Variants in FEM1B observed in about 807,000 individuals in gnomAD.
The protein encoded by FEM1B is protein fem-1 homolog B.
FEM1B carries 10 observed loss-of-function variants against 38.6 expected under a neutral mutation model. That is an observed-to-expected ratio of 0.26 (90% confidence interval 0.16 to 0.44). The LOEUF (loss-of-function observed/expected upper bound fraction) is 0.44, where lower values mean the gene tolerates loss of function less well. Ranked by LOEUF, FEM1B falls within the 20% of genes least tolerant of loss-of-function variation. The pLI, the probability that FEM1B is intolerant of heterozygous loss-of-function variation, is 1.00. For synonymous variants in FEM1B, 288 were observed against 288.0 expected (o/e 1.00, Z 0.00); for missense variants, 471 against 786.7 (o/e 0.60, Z 4.80).
Position 68,290,165 on chromosome 15 carries a change from C to T in FEM1B, c.807C>T (p.Ile269=). 1.2e-6 allele frequency: 2 copies of T among 1,613,930 alleles called. No individual in the cohort carries two copies. Among genetic ancestry groups the T allele is most frequent in the Non-Finnish European group, 1.7e-6 (2 of 1,179,942 alleles). ...SFANDRENYD[I]IKTYHYLYLA... is the part of the protein sequence containing the mutation. ...CAAATGACCGTGAGAACTATGACAT[C>T]ATAAAGACATACCACTATCTATATT... The change falls in exon 2 of 2, where the codon ATC becomes ATT. Residue 269 remains isoleucine, a synonymous_variant. Coordinates refer to ENST00000306917, the MANE Select transcript of FEM1B (RefSeq NM_015322.5). This position sits in a 1 kb window ranked among gnomAD's most constrained non-coding sequence, Gnocchi z 9.7.
At position 68,288,652 on chromosome 15, in the gene FEM1B, C is replaced by A. The variant is rs1456037536; in HGVS notation, c.249-955C>A. 6.6e-6 allele frequency among the ~76,000 whole-genome samples: 1 copy of A among 152,126 alleles called. No individual in the cohort carries two copies. Among genetic ancestry groups the A allele is most frequent in the Non-Finnish European group, 1.5e-5 (1 of 68,018 alleles). ...TAAGTAAGTGATAAGTATGAAGCCA[C>A]AAGTCCAGTCATGTCAGAGAAGATA... On this transcript the variant is annotated intron_variant, in intron 1 of 1. Coordinates refer to ENST00000306917, the MANE Select transcript of FEM1B (RefSeq NM_015322.5). The surrounding 1 kb of genome is among the most constrained non-coding windows in gnomAD (Gnocchi z 4.6).
rs1275890372 is a variant in FEM1B at position 68,278,843 on chromosome 15, A to G, written c.248+178A>G. ...TCTTCCAGGGCTAATAATCCATCCC[A>G]TGTTTTGCTGCCCGTCCTCATCAGC... On this transcript the variant is annotated intron_variant, in intron 1 of 1. Transcript: ENST00000306917. The surrounding 1 kb of genome is among the most constrained non-coding windows in gnomAD (Gnocchi z 5.7). Among the ~76,000 whole-genome samples the G allele has an allele frequency of 1.3e-5, 2 of 151,650 alleles. No homozygotes were observed. The highest frequency in any genetic ancestry group is 2.9e-5 in the Non-Finnish European group (2 of 67,930).
chr15:68,291,157 T>C lies in FEM1B; in HGVS notation c.1799T>C (p.Leu600Pro). 3 of 1,614,190 alleles carry C rather than the reference T, an allele frequency of 1.9e-6. No individual in the cohort carries two copies. Among genetic ancestry groups the C allele is most frequent in the Non-Finnish European group, 2.5e-6 (3 of 1,180,014 alleles). Reference sequence around the variant, plus strand: ...CAAATGAAGATGAGTCTCAAGTGCCTGGCTGCCCGAGCAGTTCGGGCTAAT... The same window carrying C: ...CAAATGAAGATGAGTCTCAAGTGCCCGGCTGCCCGAGCAGTTCGGGCTAAT... ...KTQMKMSLKCLAARAVRANDI... is the reference protein window; with the variant it reads ...KTQMKMSLKCPAARAVRANDI... Residue 600 changes from leucine to proline, a missense_variant, in exon 2 of 2, where the codon CTG becomes CCG. Physicochemically the swap from Leu to Pro is moderately conservative, Grantham distance 98. Around this residue, in one of 3 missense-constraint regions of FEM1B, gnomAD observed 380 missense variants for 599.6 expected, o/e 0.63. Transcript: ENST00000306917. This position sits in a 1 kb window ranked among gnomAD's most constrained non-coding sequence, Gnocchi z 6.9.
intron 1 of FEM1B, among the ~76,000 whole-genome samples, chr15:68,282,591 A>G (rs990276506): frequency 2.6e-5 from 4 of 152,152 alleles, no homozygotes; most frequent in Non-Finnish European, 5.9e-5. Flanking sequence ...GATGGATACT[A>G]TTTGTTTGAA....
rs778031981 is a variant in FEM1B, at chr15:68,278,436, T to C, written c.19T>C (p.Tyr7His). ...GGCGGCCATGGAGGGCCTGGCTGGC[T>C]ATGTATACAAGGCGGCCAGCGAGGG... MEGLAG[Y>H]VYKAASEGKV... The change falls in exon 1 of 2, where the codon TAT (tyrosine) becomes CAT (histidine). Residue 7 changes from tyrosine to histidine, a missense_variant. Transcript: ENST00000306917. This position sits in a 1 kb window ranked among gnomAD's most constrained non-coding sequence, Gnocchi z 5.7. 1 of 1,612,806 alleles carries C rather than the reference T, an allele frequency of 6.2e-7. No individual in the cohort carries two copies. Among genetic ancestry groups the C allele is most frequent in the South Asian group, 1.1e-5 (1 of 91,038 alleles).
rs146906047 is a variant in FEM1B, at chr15:68,278,960, G to A, written c.248+295G>A. Among the ~76,000 whole-genome samples, 407 of 152,254 alleles carry A rather than the reference G, an allele frequency of 2.7e-3. 3 individuals are homozygous for A. Among genetic ancestry groups the A allele is most frequent in the Non-Finnish European group, 4.0e-3 (275 of 68,024 alleles). On this transcript the variant is annotated intron_variant, in intron 1 of 1. Coordinates refer to ENST00000306917, the MANE Select transcript of FEM1B (RefSeq NM_015322.5). This position sits in a 1 kb window ranked among gnomAD's most constrained non-coding sequence, Gnocchi z 5.7. The stretch of plus-strand genomic sequence containing the variant: ...TCTCTACTAGATAGTCTGTGAACAA[G>A]CCATTTGGAGGAGGTGGCTGCCTTT...
Position 68,290,556 on chromosome 15 carries a change from G to A in FEM1B, c.1198G>A (p.Glu400Lys), listed in dbSNP as rs775340231. Residue 400 changes from glutamate to lysine, a missense_variant, in exon 2 of 2, where the codon GAA becomes AAA. By Grantham distance (56) the Glu-to-Lys change is moderately conservative (BLOSUM62 1). Around this residue, in one of 3 missense-constraint regions of FEM1B, gnomAD observed 380 missense variants for 599.6 expected, o/e 0.63. Transcript: ENST00000306917. This position sits in a 1 kb window ranked among gnomAD's most constrained non-coding sequence, Gnocchi z 9.7. ...TTTCTCACAAATGATACATTTGAAT[G>A]AAACTGTGAAGGCCCCAGACATAGA... is the stretch of plus-strand genomic sequence containing the variant. Reference protein sequence around the residue: ...QVFSQMIHLNETVKAPDIECV... With the variant: ...QVFSQMIHLNKTVKAPDIECV... 2 of 1,614,198 alleles carry A rather than the reference G, an allele frequency of 1.2e-6. No individual in the cohort carries two copies. Among genetic ancestry groups the A allele is most frequent in the South Asian group, 1.1e-5 (1 of 91,090 alleles).
chr15:68,287,242 T>C (rs2140244637), intron 1 of FEM1B, among the ~76,000 whole-genome samples: 1 of 152,342 alleles, frequency 6.6e-6, no homozygotes, highest in South Asian at 2.1e-4. Flanking sequence ...TTTTTAAAAA[T>C]AAAAATTTGA....
chr15:68,291,083 T>A lies in FEM1B; in HGVS notation c.1725T>A (p.Thr575=), dbSNP rs765481777. Residue 575 remains threonine, a synonymous_variant, in exon 2 of 2, where the codon ACT becomes ACA. Transcript: ENST00000306917. This position sits in a 1 kb window ranked among gnomAD's most constrained non-coding sequence, Gnocchi z 6.9. ...ACATGACGAATAAACAGAATAAGAC[T>A]CCGCTAGACAAAAGTACAACTGGGG... ...HTDMTNKQNK[T]PLDKSTTGVS... 1.2e-6 allele frequency: 2 copies of A among 1,614,074 alleles called. No homozygotes were observed. The highest frequency in any genetic ancestry group is 1.1e-5 in the South Asian group (1 of 91,074).
rs779936256 is a variant in FEM1B at position 68,291,102 on chromosome 15, A to C, written c.1744A>C (p.Thr582Pro). The change falls in exon 2 of 2, where the codon ACT (threonine) becomes CCT (proline). Residue 582 changes from threonine (T) to proline (P), a missense_variant. This residue lies in a region of FEM1B where 380 missense variants were observed against 599.6 expected (regional missense o/e 0.63). Coordinates refer to ENST00000306917, the MANE Select transcript of FEM1B (RefSeq NM_015322.5). The surrounding 1 kb of genome is among the most constrained non-coding windows in gnomAD (Gnocchi z 6.9). ...QNKTPLDKST[T>P]GVSEILLKTQ... ...TAAGACTCCGCTAGACAAAAGTACA[A>C]CTGGGGTATCTGAAATACTGCTTAA... The C allele has an allele frequency of 4.3e-6, 7 of 1,614,002 alleles. No individual in the cohort carries two copies.
chr15:68,291,338 C>G lies in FEM1B; in HGVS notation c.*96C>G. 1 of 890,204 alleles carries G rather than the reference C, an allele frequency of 1.1e-6. No individual in the cohort carries two copies. Among genetic ancestry groups the G allele is most frequent in the Admixed American group, 2.9e-5 (1 of 34,566 alleles). The allele number at this position is 890,204 out of a possible 1,614,324, so 55.1% of individuals were successfully genotyped here. A position where few individuals can be genotyped will look rare whatever the true frequency, so the allele number is the denominator to read the frequency against. ...TTATGTGTTCATAAATTCTGCTTTT[C>G]TTTCCACTACCCTTCCTCCCATCCC... On this transcript the variant is annotated 3_prime_UTR_variant, in exon 2 of 2. Coordinates refer to ENST00000306917, the MANE Select transcript of FEM1B (RefSeq NM_015322.5). This position sits in a 1 kb window ranked among gnomAD's most constrained non-coding sequence, Gnocchi z 6.9.
In FEM1B at chr15:68,289,378, T is replaced by A. The variant is rs1892822985; in HGVS notation, c.249-229T>A. On this transcript the variant is annotated intron_variant, in intron 1 of 1. Coordinates refer to ENST00000306917, the MANE Select transcript of FEM1B (RefSeq NM_015322.5). The surrounding 1 kb of genome is among the most constrained non-coding windows in gnomAD (Gnocchi z 6.9). The stretch of plus-strand genomic sequence containing the variant: ...ATTTTTCAGGTTTGTTTTTTAGGGT[T>A]ATATACTCTAGTAGTAACAGTAATA... The A allele has an allele frequency of 2.0e-6, 1 of 508,810 alleles. No homozygotes were observed. The highest frequency in any genetic ancestry group is 1.9e-5 in the African/African-American group (1 of 52,268). 31.5% of individuals were successfully genotyped at this position (508,810 alleles called of 1,614,324 possible).
In FEM1B at chr15:68,278,557, C is replaced by G. The variant is rs370707411; in HGVS notation, c.140C>G (p.Ser47Cys). ...GYVSQQGGQR[S>C]TPLIIAARNG... ...GTCAGCCAGCAGGGAGGGCAGCGCTCCACGCCCCTCATCATCGCAGCCCGC... is the reference window on the plus strand; with the variant it reads ...GTCAGCCAGCAGGGAGGGCAGCGCTGCACGCCCCTCATCATCGCAGCCCGC... The change falls in exon 1 of 2, where the codon TCC (serine) becomes TGC (cysteine). Residue 47 changes from serine to cysteine, a missense_variant. Ser to Cys is a moderately radical substitution (Grantham distance 112, BLOSUM62 -1). Around this residue, in one of 3 missense-constraint regions of FEM1B, gnomAD observed 91 missense variants for 169.6 expected, o/e 0.54. Transcript: ENST00000306917. This position sits in a 1 kb window ranked among gnomAD's most constrained non-coding sequence, Gnocchi z 5.7. 6.2e-7 allele frequency: 1 copy of G among 1,614,112 alleles called. No homozygotes were observed. The highest frequency in any genetic ancestry group is 8.5e-7 in the Non-Finnish European group (1 of 1,180,038).
rs74483643 is a variant in FEM1B, at chr15:68,288,888, C to T, written c.249-719C>T. Among the ~76,000 whole-genome samples the T allele has an allele frequency of 0.017, 2,581 of 152,238 alleles. 82 individuals are homozygous for T. The highest frequency in any genetic ancestry group is 0.059 in the African/African-American group (2,461 of 41,516). On this transcript the variant is annotated intron_variant, in intron 1 of 1. Transcript: ENST00000306917. This position sits in a 1 kb window ranked among gnomAD's most constrained non-coding sequence, Gnocchi z 4.6. Reference sequence around the variant, plus strand: ...TTCACAAAGTGAACATATTTGTTTACTAGAGTCCCCTTTGTGCTTTCTCCC... The same window carrying T: ...TTCACAAAGTGAACATATTTGTTTATTAGAGTCCCCTTTGTGCTTTCTCCC...
rs955988532 is a variant in FEM1B at position 68,278,156 on chromosome 15, G to A, written c.-262G>A. The A allele has an allele frequency of 2.1e-5, 9 of 424,000 alleles. No individual in the cohort carries two copies. The highest frequency in any genetic ancestry group is 3.4e-5 in the Non-Finnish European group (8 of 237,430). The allele number at this position is 424,000 out of a possible 1,614,324, so 26.3% of individuals were successfully genotyped here. On this transcript the variant is annotated 5_prime_UTR_variant, in exon 1 of 2. Coordinates refer to ENST00000306917, the MANE Select transcript of FEM1B (RefSeq NM_015322.5). The surrounding 1 kb of genome is among the most constrained non-coding windows in gnomAD (Gnocchi z 5.7). ...ATGGAGATCCCCTCGGTCCAGGGCCGGCGCCTGGGACCTGGCGGGCGGCCC... is the reference window on the plus strand; with the variant it reads ...ATGGAGATCCCCTCGGTCCAGGGCCAGCGCCTGGGACCTGGCGGGCGGCCC...
intron 1 of FEM1B, among the ~76,000 whole-genome samples, chr15:68,287,295 TTACA>T (rs1892799456): frequency 6.6e-6 from 1 of 152,230 alleles, no homozygotes; most frequent in African/African-American, 2.4e-5. Flanking sequence ...GAGGTATGTC[TTACA>T]TACAGTAAAA....
rs1425823920 is a variant in FEM1B at position 68,293,142 on chromosome 15, T to C, written c.*1900T>C. ...TACTGTACCTTGCTCTTAGCAACTC[T>C]CAGTGGCCTGAAAGAGAAAATGCAC... is the stretch of plus-strand genomic sequence containing the variant. On this transcript the variant is annotated 3_prime_UTR_variant, in exon 2 of 2. Transcript: ENST00000306917. This position sits in a 1 kb window ranked among gnomAD's most constrained non-coding sequence, Gnocchi z 5.8. 4 of 152,170 alleles carry C rather than the reference T, an allele frequency of 2.6e-5. No homozygotes were observed. Among genetic ancestry groups the C allele is most frequent in the African/African-American group, 7.2e-5 (3 of 41,428 alleles). 9.4% of individuals were successfully genotyped at this position (152,170 alleles called of 1,614,324 possible). A position where few individuals can be genotyped will look rare whatever the true frequency, so the allele number is the denominator to read the frequency against.
Position 68,288,702 on chromosome 15 carries a change from A to C in FEM1B, c.249-905A>C, listed in dbSNP as rs1892815039. Among the ~76,000 whole-genome samples the C allele has an allele frequency of 6.6e-6, 1 of 152,136 alleles. No individual in the cohort carries two copies. The highest frequency in any genetic ancestry group is 1.5e-5 in the Non-Finnish European group (1 of 68,014). On this transcript the variant is annotated intron_variant, in intron 1 of 1. Transcript: ENST00000306917. The surrounding 1 kb of genome is among the most constrained non-coding windows in gnomAD (Gnocchi z 4.6). ...ATCTGCTTGGTTTTCCAAAAGTGCTAATTATTTCCTGCTGTTAGTATTTTT... is the reference window on the plus strand; with the variant it reads ...ATCTGCTTGGTTTTCCAAAAGTGCTCATTATTTCCTGCTGTTAGTATTTTT...
rs1892762258 is a variant in FEM1B at position 68,284,482 on chromosome 15, T to G, written c.249-5125T>G. The stretch of plus-strand genomic sequence containing the variant: ...TTAAACTATTTTTCTTTGAAGTCAT[T>G]TGTGCCTATTTTTGTTTTTAATTAT... On this transcript the variant is annotated intron_variant, in intron 1 of 1. Transcript: ENST00000306917. This position sits in a 1 kb window ranked among gnomAD's most constrained non-coding sequence, Gnocchi z 4.4. 6.6e-6 allele frequency among the ~76,000 whole-genome samples: 1 copy of G among 152,160 alleles called. No individual in the cohort carries two copies. The highest frequency in any genetic ancestry group is 2.4e-5 in the African/African-American group (1 of 41,402).
Sources: allele counts gnomAD v4.1 joint callset (sites outside exome capture counted in the v4.1 genomes callset), GRCh38; gene constraint gnomAD v4.1.1; regional missense constraint gnomAD v4.1.1; non-coding constraint Gnocchi (gnomAD v3.1); transcripts MANE v1.5; gene names NCBI Gene and HGNC (gene_info 2026-07-23, HGNC 2026-07-21).